Variants in CSMD2 observed in about 807,000 individuals in gnomAD.
The protein encoded by CSMD2 is CUB and sushi domain-containing protein 2.
CSMD2 carries 130 observed loss-of-function variants against 398.5 expected under a neutral mutation model. The observed-to-expected ratio is 0.33, with a 90% confidence interval of 0.28 to 0.38. CSMD2 has a LOEUF of 0.38. CSMD2 is among the 10% of genes least tolerant of loss of function. CSMD2 has a pLI of 1.00. For synonymous variants in CSMD2, 1,828 were observed against 1,908.5 expected (o/e 0.96, Z 1.10); for missense variants, 3,829 against 4,764.9 (o/e 0.80, Z 5.78).
chr1:33,549,510 G>C (rs1239510029), intron 56 of CSMD2, among the ~76,000 whole-genome samples: 1 of 152,216 alleles, frequency 6.6e-6, no homozygotes, highest in Non-Finnish European at 1.5e-5. Context: ...ATTCATTTCT[G>C]GTTTGGATAC....
intron 3 of CSMD2, among the ~76,000 whole-genome samples, chr1:33,954,087 C>G (rs758805004): frequency 1.3e-5 from 2 of 152,130 alleles, no homozygotes; most frequent in Non-Finnish European, 2.9e-5. Flanking sequence ...TATGTGGACC[C>G]AGGCAGATAA....
At chr1:33,986,932 T>TC (rs1288744773) in intron 3 of CSMD2, among the ~76,000 whole-genome samples, 1 of 152,084 alleles carries the variant, frequency 6.6e-6, no homozygotes, top group Non-Finnish European at 1.5e-5. Flanking sequence ...AGCATCCTTC[T>TC]CGTGTGTGTG....
chr1:33,789,613 C>A (rs1227659667), intron 11 of CSMD2, among the ~76,000 whole-genome samples: 1 of 152,204 alleles, frequency 6.6e-6, no homozygotes, highest in Non-Finnish European at 1.5e-5. Flanking sequence ...GAGTGGGCAA[C>A]TGAACTAATG....
intron 1 of CSMD2, among the ~76,000 whole-genome samples, chr1:34,151,818 C>CA (rs1171628413): frequency 6.8e-6 from 1 of 147,408 alleles, no homozygotes; most frequent in African/African-American, 2.5e-5. Flanking sequence ...CCTCCCTCCC[C>CA]CCCCTTCTCT....
chr1:33,805,884 T>C (rs945868667), intron 10 of CSMD2, among the ~76,000 whole-genome samples: 3 of 151,884 alleles, frequency 2.0e-5, no homozygotes, highest in South Asian at 2.1e-4. Flanking sequence ...TTGTCTAAGC[T>C]ATCTAGTGGG....
At chr1:34,130,832 A>G (rs761615280) in intron 1 of CSMD2, among the ~76,000 whole-genome samples, 8 of 152,026 alleles carry the variant, frequency 5.3e-5, no homozygotes, top group Admixed American at 4.6e-4. Flanking sequence ...GCCCGTTTTC[A>G]AGGGCCTCCT....
Position 33,589,837 on chromosome 1 carries a change from C to T in CSMD2, c.6857-2669G>A, listed in dbSNP as rs138193013. ...CTGAATATTCAAGGTTGACCTTAGC[C>T]GTTAATTATATTTTCCCAGTTTATC... On this transcript the variant is annotated intron_variant, in intron 44 of 70. Transcript: ENST00000373381. Among the ~76,000 whole-genome samples, 812 of 152,178 alleles carry T rather than the reference C, an allele frequency of 5.3e-3. 12 individuals carry two copies. The highest frequency in any genetic ancestry group is 0.019 in the African/African-American group (779 of 41,526).
At chr1:33,963,693 C>T (rs956864305) in intron 3 of CSMD2, among the ~76,000 whole-genome samples, 2 of 152,178 alleles carry the variant, frequency 1.3e-5, no homozygotes, top group Non-Finnish European at 1.5e-5. Flanking sequence ...TTCTTCCACT[C>T]AGGATAGTTC....
chr1:33,626,538 C>A lies in CSMD2; in HGVS notation c.5244G>T (p.Lys1748Asn). Residue 1748 changes from lysine to asparagine, a missense_variant, in exon 33 of 71, where the codon AAG becomes AAT. Lys to Asn is a moderately conservative substitution (Grantham distance 94). This residue lies in a region of CSMD2 where 2,001 missense variants were observed against 2,567.1 expected (regional missense o/e 0.78). Transcript: ENST00000373381. Reference protein sequence around the residue: ...PLATSNQVLIKFSAKGLAPAR... With the variant: ...PLATSNQVLINFSAKGLAPAR... ...CTGGTGCGAGGCCTTTGGCGCTGAACTTAATGAGAACTTGATTGGAGGTGG... is the reference window on the plus strand; with the variant it reads ...CTGGTGCGAGGCCTTTGGCGCTGAAATTAATGAGAACTTGATTGGAGGTGG... 6.2e-7 allele frequency: 1 copy of A among 1,608,674 alleles called. No homozygotes were observed. Among genetic ancestry groups the A allele is most frequent in the Non-Finnish European group, 8.5e-7 (1 of 1,178,016 alleles).
intron 10 of CSMD2, among the ~76,000 whole-genome samples, chr1:33,801,801 G>A (rs1655638792): frequency 6.6e-6 from 1 of 152,202 alleles, no homozygotes; most frequent in Admixed American, 6.5e-5. Context: ...GACCAGATGT[G>A]CCCAGACAGG....
chr1:33,892,378 T>C (rs1421436884), intron 5 of CSMD2, among the ~76,000 whole-genome samples: 1 of 152,186 alleles, frequency 6.6e-6, no homozygotes, highest in Non-Finnish European at 1.5e-5. Context: ...TACATGGACA[T>C]GTTCTTTAGT....
intron 3 of CSMD2, among the ~76,000 whole-genome samples, chr1:34,004,551 A>G (rs1028769191): frequency 6.6e-6 from 1 of 152,144 alleles, no homozygotes; most frequent in East Asian, 1.9e-4. Flanking sequence ...CAATAATAAC[A>G]TGTGTCGTCA....
intron 1 of CSMD2, among the ~76,000 whole-genome samples, chr1:34,102,511 G>A (rs9425992): frequency 6.6e-6 from 1 of 151,258 alleles, no homozygotes; most frequent in African/African-American, 2.5e-5. Context: ...GTACCCAGAT[G>A]CCTGTCCACC....
At chr1:33,686,175 C>T (rs911482050) in intron 25 of CSMD2, among the ~76,000 whole-genome samples, 2 of 152,162 alleles carry the variant, frequency 1.3e-5, no homozygotes, top group Non-Finnish European at 2.9e-5. Context: ...GGGGCAGAAC[C>T]AAGAGCAAAG....
chr1:34,161,699 G>A (rs565929402), intron 1 of CSMD2, among the ~76,000 whole-genome samples: 36 of 152,300 alleles, frequency 2.4e-4, no homozygotes, highest in Middle Eastern at 3.4e-3. Context: ...GACAGAGGTT[G>A]AAGTAAGGAG....
At chr1:34,126,838 G>A (rs1386601753) in intron 1 of CSMD2, among the ~76,000 whole-genome samples, 14 of 151,746 alleles carry the variant, frequency 9.2e-5, no homozygotes, top group Non-Finnish European at 1.5e-5. Flanking sequence ...GGAGAGAGAC[G>A]GGCAGGGGAG....
intron 1 of CSMD2, among the ~76,000 whole-genome samples, chr1:34,131,472 G>A (rs1173117331): frequency 6.6e-6 from 1 of 152,128 alleles, no homozygotes. Context: ...GTGTAGACCA[G>A]ACCCTGCCTG....
At chr1:33,993,128 A>C (rs576595624) in intron 3 of CSMD2, among the ~76,000 whole-genome samples, 1 of 152,206 alleles carries the variant, frequency 6.6e-6, no homozygotes, top group African/African-American at 2.4e-5. Flanking sequence ...ATATATCTCT[A>C]TCTAGATACA....
At chr1:34,140,693 C>A in intron 1 of CSMD2, among the ~76,000 whole-genome samples, 1 of 152,158 alleles carries the variant, frequency 6.6e-6, no homozygotes, top group East Asian at 1.9e-4. Context: ...AGGCTAGTAC[C>A]AAGCAGGGAC....
Sources: gnomAD v4.1 joint callset for allele counts (sites outside exome capture counted in the v4.1 genomes callset) on GRCh38, gnomAD v4.1.1 for gene constraint, gnomAD v4.1.1 regional missense constraint, MANE v1.5 for transcripts, NCBI Gene and HGNC (gene_info 2026-07-23, HGNC 2026-07-21) for gene names.